Variants in PCDHA8 observed in about 807,000 individuals in gnomAD.
The protein encoded by PCDHA8 is protocadherin alpha-8.
A neutral mutation model predicts 61.8 loss-of-function variants in PCDHA8; 53 were observed. That is an observed-to-expected ratio of 0.86 (90% confidence interval 0.69 to 1.08). PCDHA8 has a LOEUF of 1.08. Among genes scored for constraint, PCDHA8 ranks in the 50% least tolerant of loss-of-function variants. The pLI is 0.00. For missense variants in PCDHA8, 1,293 were observed against 1,245.0 expected (o/e 1.04, Z -0.58); for synonymous variants, 618 against 556.6 (o/e 1.11, Z -1.55).
At chr5:140,967,150 C>T (rs1400431511) in intron 1 of PCDHA8, 1 of 1,611,004 alleles carries the variant, frequency 6.2e-7, no homozygotes, top group Non-Finnish European at 8.5e-7. Context: ...CGCACAACCC[C>T]GTGGCGGTGA....
intron 1 of PCDHA8, chr5:140,875,323 A>G: frequency 2.1e-6 from 3 of 1,427,940 alleles, no homozygotes; most frequent in South Asian, 3.2e-5. Flanking sequence ...CCAATCATTC[A>G]CGGAATAGGA....
chr5:140,870,954 G>A, intron 1 of PCDHA8: 1 of 1,613,632 alleles, frequency 6.2e-7, no homozygotes, highest in Non-Finnish European at 8.5e-7. Flanking sequence ...CGGGCGGCTC[G>A]CGCATCCCGT....
At chr5:140,872,402 G>A (rs1272057866) in intron 1 of PCDHA8, among the ~76,000 whole-genome samples, 3 of 152,128 alleles carry the variant, frequency 2.0e-5, no homozygotes, top group African/African-American at 7.2e-5. Flanking sequence ...TGAGGCAGGA[G>A]AATTGCTTGA....
intron 1 of PCDHA8, chr5:140,867,194 C>T (rs185502341): frequency 1.6e-3 from 248 of 152,260 alleles, no homozygotes; most frequent in African/African-American, 5.7e-3. Context: ...CAAGACTCCA[C>T]ATTCCATGTA....
chr5:140,879,557 T>C (rs1554170871), intron 1 of PCDHA8, among the ~76,000 whole-genome samples: 1 of 152,152 alleles, frequency 6.6e-6, no homozygotes, highest in Non-Finnish European at 1.5e-5. Flanking sequence ...AAATAATCCA[T>C]GAAAGAATAA....
intron 1 of PCDHA8, among the ~76,000 whole-genome samples, chr5:140,964,203 C>T (rs2095816993): frequency 6.6e-6 from 1 of 152,212 alleles, no homozygotes; most frequent in African/African-American, 2.4e-5. Context: ...TATACCATCT[C>T]TTTAGTACAA....
At chr5:141,007,395 CAAAAAAAA>C (rs35800918) in intron 3 of PCDHA8, among the ~76,000 whole-genome samples, 98 of 94,844 alleles carry the variant, frequency 1.0e-3, no homozygotes, top group African/African-American at 2.9e-3. Context: ...TACTAAAATA[CAAAAAAAA>C]AAAAAAAAAA....
chr5:140,978,240 C>G (rs1290697340), intron 1 of PCDHA8, among the ~76,000 whole-genome samples: 1 of 152,174 alleles, frequency 6.6e-6, no homozygotes, highest in African/African-American at 2.4e-5. Flanking sequence ...TGGATTTCAG[C>G]TACTCCCTGT....
intron 1 of PCDHA8, chr5:140,969,317 G>A (rs1554231675): frequency 6.2e-7 from 1 of 1,614,156 alleles, no homozygotes; most frequent in East Asian, 2.2e-5. Context: ...AAATGAGGCT[G>A]TTTCTCAAAA....
chr5:140,857,925 A>T (rs1291686886), intron 1 of PCDHA8: 2 of 1,597,686 alleles, frequency 1.3e-6, no homozygotes, highest in Non-Finnish European at 1.7e-6. Flanking sequence ...GTGGGGCTGT[A>T]CACGGGCGAG....
At chr5:140,973,959 G>A (rs782474164) in intron 1 of PCDHA8, among the ~76,000 whole-genome samples, 2 of 152,198 alleles carry the variant, frequency 1.3e-5, no homozygotes, top group Admixed American at 6.5e-5. Flanking sequence ...TTTTACAGGT[G>A]TCTTTAAATG....
intron 1 of PCDHA8, chr5:140,927,546 A>G (rs1554204713): frequency 6.2e-7 from 1 of 1,614,146 alleles, no homozygotes; most frequent in Non-Finnish European, 8.5e-7. Flanking sequence ...GAGACGCACA[A>G]GTCACCATCA....
chr5:140,851,970 CTACCTT>C, intron 1 of PCDHA8: 3 of 977,062 alleles, frequency 3.1e-6, no homozygotes, highest in Non-Finnish European at 2.5e-6. Context: ...TTTCCACACT[CTACCTT>C]TAGTGCAAGC....
chr5:140,868,653 G>T (rs897751330), intron 1 of PCDHA8: 1 of 162,858 alleles, frequency 6.1e-6, no homozygotes, highest in African/African-American at 2.4e-5. Flanking sequence ...CTGTGTATAA[G>T]TATTTTAGAT....
intron 3 of PCDHA8, among the ~76,000 whole-genome samples, chr5:140,992,665 T>A (rs1219714191): frequency 2.6e-5 from 4 of 152,096 alleles, no homozygotes; most frequent in Non-Finnish European, 5.9e-5. Context: ...CTGATTGGTG[T>A]GTATGTGTGT....
intron 3 of PCDHA8, among the ~76,000 whole-genome samples, chr5:140,989,714 A>T (rs2097355942): frequency 6.6e-6 from 1 of 152,202 alleles, no homozygotes; most frequent in Non-Finnish European, 1.5e-5. Context: ...AGAGGCAGTC[A>T]GCTTTGCAGT....
intron 1 of PCDHA8, among the ~76,000 whole-genome samples, chr5:140,910,646 G>T (rs1490115049): frequency 6.6e-6 from 1 of 152,158 alleles, no homozygotes; most frequent in Non-Finnish European, 1.5e-5. Flanking sequence ...TAAACCTTTT[G>T]ATCCCTTCCT....
At chr5:140,915,083 C>G (rs2076973100) in intron 1 of PCDHA8, among the ~76,000 whole-genome samples, 1 of 151,628 alleles carries the variant, frequency 6.6e-6, no homozygotes, top group African/African-American at 2.4e-5. Flanking sequence ...GTAGCTGGGA[C>G]TATGGGCACG....
In PCDHA8 at chr5:141,012,200, T is replaced by A. The variant is rs2098423248; in HGVS notation, c.*2263T>A. On this transcript the variant is annotated 3_prime_UTR_variant, in exon 4 of 4. Coordinates refer to ENST00000531613, the MANE Select transcript of PCDHA8 (RefSeq NM_018911.3). The stretch of plus-strand genomic sequence containing the variant: ...TAATTATAATGTATCTGTACAGCAC[T>A]TTTTACATTTGCGAAGTGCTTTCCA... 6.5e-6 allele frequency: 1 copy of A among 153,778 alleles called. No homozygotes were observed. The highest frequency in any genetic ancestry group is 1.5e-5 in the Non-Finnish European group (1 of 68,048). 9.5% of individuals were successfully genotyped at this position (153,778 alleles called of 1,614,324 possible). A position where few individuals can be genotyped will look rare whatever the true frequency, so the allele number is the denominator to read the frequency against.
Sources: gnomAD v4.1 joint callset for allele counts (sites outside exome capture counted in the v4.1 genomes callset) on GRCh38, gnomAD v4.1.1 for gene constraint, MANE v1.5 for transcripts, NCBI Gene and HGNC (gene_info 2026-07-23, HGNC 2026-07-21) for gene names.